The following TNFAIP8 variants were observed in gnomAD, a reference collection of about 807,000 sequenced individuals.
TNFAIP8 encodes the protein tumor necrosis factor alpha-induced protein 8.
Under a neutral mutation model 13.3 loss-of-function variants are expected in TNFAIP8, and 7 were observed. That is an observed-to-expected ratio of 0.52 (90% confidence interval 0.30 to 0.99). TNFAIP8 has a LOEUF of 0.99. Among genes scored for constraint, TNFAIP8 ranks in the 50% least tolerant of loss-of-function variants. The probability of loss-of-function intolerance (pLI) is 0.07; values close to 1 mark genes in which losing one functional copy is unlikely to be tolerated. For missense variants in TNFAIP8, 258 were observed against 236.9 expected (o/e 1.09, Z -0.58); for synonymous variants, 94 against 87.6 (o/e 1.07, Z -0.41).
intron 1 of TNFAIP8, among the ~76,000 whole-genome samples, chr5:119,317,058 G>A (rs559812916): frequency 6.6e-6 from 1 of 152,318 alleles, no homozygotes; most frequent in African/African-American, 2.4e-5. Flanking sequence ...ATAATAGCAT[G>A]TAGAACTTTA....
chr5:119,333,259 G>C, intron 1 of TNFAIP8: 1 of 1,060,648 alleles, frequency 9.4e-7, no homozygotes, highest in Non-Finnish European at 1.1e-6. Context: ...AGTGCAGGCA[G>C]CAACCAGTCC....
chr5:119,340,873 G>A (rs537217180), intron 1 of TNFAIP8, among the ~76,000 whole-genome samples: 9 of 152,264 alleles, frequency 5.9e-5, no homozygotes, highest in East Asian at 5.8e-4. Context: ...TTAGTTCACC[G>A]AATAGAGGGG....
At position 119,356,106 on chromosome 5, in the gene TNFAIP8, G is replaced by C; in HGVS notation, c.16G>C (p.Glu6Gln). The stretch of plus-strand genomic sequence containing the variant: ...TCCTGACATTATGCACTCCGAAGCA[G>C]AAGAATCCAAGGAAGGTAGGATTCT... MHSEA[E>Q]ESKEVATDVF... The change falls in exon 1 of 2, where the codon GAA (glutamate) becomes CAA (glutamine). Residue 6 changes from glutamate to glutamine, a missense_variant. Physicochemically the swap from Glu to Gln is conservative, Grantham distance 29. Transcript: ENST00000504771. 3.8e-6 allele frequency: 6 copies of C among 1,588,354 alleles called. No individual in the cohort carries two copies. Among genetic ancestry groups the C allele is most frequent in the African/African-American group, 1.4e-5 (1 of 73,776 alleles).
At chr5:119,311,408 T>G (rs1053386384) in intron 1 of TNFAIP8, among the ~76,000 whole-genome samples, 5 of 147,860 alleles carry the variant, frequency 3.4e-5, no homozygotes, top group Admixed American at 3.4e-4. Flanking sequence ...ACCCAATGAA[T>G]GGGCTGGGCG....
chr5:119,275,198 A>G (rs1748402382), intron 1 of TNFAIP8, among the ~76,000 whole-genome samples: 3 of 152,188 alleles, frequency 2.0e-5, no homozygotes, highest in Non-Finnish European at 4.4e-5. Flanking sequence ...AAAAATATTA[A>G]CAAGCAACCA....
chr5:119,288,117 G>A, intron 1 of TNFAIP8, among the ~76,000 whole-genome samples: 1 of 152,226 alleles, frequency 6.6e-6, no homozygotes, highest in South Asian at 2.1e-4. Context: ...ATAGAGGTGT[G>A]TGTGAAAACA....
At chr5:119,388,798 A>ATT (rs1184704547) in intron 1 of TNFAIP8, among the ~76,000 whole-genome samples, 2,050 of 140,616 alleles carry the variant, frequency 0.015, 39 homozygotes, top group African/African-American at 0.046. Flanking sequence ...ATGCCCAGCT[A>ATT]TTTTTTTTTT....
intron 1 of TNFAIP8, among the ~76,000 whole-genome samples, chr5:119,284,643 T>G (rs553469499): frequency 6.6e-6 from 1 of 151,566 alleles, no homozygotes; most frequent in South Asian, 2.1e-4. Context: ...ATTGCATCGC[T>G]GCACTCCAGC....
intron 1 of TNFAIP8, among the ~76,000 whole-genome samples, chr5:119,380,551 GTCT>G (rs1482713819): frequency 2.6e-5 from 4 of 152,206 alleles, no homozygotes; most frequent in Non-Finnish European, 5.9e-5. Context: ...AAGGTTTTAT[GTCT>G]TCAAGAAAAT....
At chr5:119,370,360 A>G (rs1752026641) in intron 1 of TNFAIP8, among the ~76,000 whole-genome samples, 1 of 152,258 alleles carries the variant, frequency 6.6e-6, no homozygotes, top group African/African-American at 2.4e-5. Flanking sequence ...CTTTAAGTTG[A>G]GTAAAGGAGG....
intron 1 of TNFAIP8, among the ~76,000 whole-genome samples, chr5:119,273,353 G>C (rs1223435603): frequency 6.6e-6 from 1 of 152,242 alleles, no homozygotes; most frequent in Non-Finnish European, 1.5e-5. Context: ...GAGAGGGAAA[G>C]TAGTAACTTG....
At chr5:119,269,452 A>G (rs1013517339) in intron 1 of TNFAIP8, among the ~76,000 whole-genome samples, 4 of 151,312 alleles carry the variant, frequency 2.6e-5, no homozygotes, top group Admixed American at 6.6e-5. Flanking sequence ...GTGTGTGTGT[A>G]TGTGTGTGTG....
chr5:119,357,970 G>T (rs900340592), intron 1 of TNFAIP8, among the ~76,000 whole-genome samples: 1 of 152,030 alleles, frequency 6.6e-6, no homozygotes, highest in Non-Finnish European at 1.5e-5. Flanking sequence ...TCCAAGGCTG[G>T]TTCATTGGCT....
At chr5:119,299,468 G>A (rs1259576983) in intron 1 of TNFAIP8, among the ~76,000 whole-genome samples, 3 of 152,290 alleles carry the variant, frequency 2.0e-5, no homozygotes, top group East Asian at 3.9e-4. Context: ...TCCTCTGGAA[G>A]TTTTGTCTCA....
At chr5:119,312,623 G>T (rs140959372) in intron 1 of TNFAIP8, among the ~76,000 whole-genome samples, 2 of 151,730 alleles carry the variant, frequency 1.3e-5, no homozygotes, top group East Asian at 3.9e-4. Flanking sequence ...ATGTAGCTGG[G>T]CTCGGTGGCT....
chr5:119,344,167 G>T (rs1418502094), intron 1 of TNFAIP8, among the ~76,000 whole-genome samples: 2 of 152,198 alleles, frequency 1.3e-5, no homozygotes, highest in Non-Finnish European at 2.9e-5. Flanking sequence ...GATTCTGCAG[G>T]CTATGCAAGC....
chr5:119,314,515 G>A (rs1749827447), intron 1 of TNFAIP8, among the ~76,000 whole-genome samples: 1 of 152,216 alleles, frequency 6.6e-6, no homozygotes, highest in Admixed American at 6.5e-5. Flanking sequence ...TGTGTATCAT[G>A]CATCCTCTCC....
At chr5:119,360,878 T>C (rs942781938) in intron 1 of TNFAIP8, among the ~76,000 whole-genome samples, 3 of 152,220 alleles carry the variant, frequency 2.0e-5, no homozygotes, top group African/African-American at 4.8e-5. Flanking sequence ...ACATGAGACA[T>C]TGTGAAATAA....
chr5:119,312,902 A>G (rs1347311626), intron 1 of TNFAIP8, among the ~76,000 whole-genome samples: 1 of 152,192 alleles, frequency 6.6e-6, no homozygotes, highest in Non-Finnish European at 1.5e-5. Flanking sequence ...TTCTGAATAG[A>G]ATGTACATTT....
Sources: gnomAD v4.1 joint callset for allele counts (sites outside exome capture counted in the v4.1 genomes callset) on GRCh38, gnomAD v4.1.1 for gene constraint, MANE v1.5 for transcripts, NCBI Gene and HGNC (gene_info 2026-07-23, HGNC 2026-07-21) for gene names.